POP5: variants seen among roughly 807,000 people sequenced by gnomAD.
The protein encoded by POP5 is POP5 ribonuclease P/MRP subunit.
Under a neutral mutation model 20.7 loss-of-function variants are expected in POP5, and 18 were observed. That is an observed-to-expected ratio of 0.87 (90% CI 0.60 to 1.29). POP5 has a LOEUF of 1.29. Among genes scored for constraint, POP5 ranks in the 50% most tolerant of loss-of-function variants. The probability of loss-of-function intolerance (pLI) is 0.00; values close to 1 mark genes in which losing one functional copy is unlikely to be tolerated. For missense variants in POP5, 200 were observed against 203.2 expected (o/e 0.98, Z 0.10); for synonymous variants, 91 against 78.0 (o/e 1.17, Z -0.88).
At position 120,579,114 on chromosome 12, in the gene POP5, C is replaced by G. The variant is rs551732261; in HGVS notation, c.*204G>C. On this transcript the variant is annotated 3_prime_UTR_variant, in exon 5 of 5. Transcript: ENST00000357500. ...GCAATAAAGATGTCTACAGAGTTCACAACCTGCAACACTTCACCAGGGAAT... is the reference window on the plus strand; with the variant it reads ...GCAATAAAGATGTCTACAGAGTTCAGAACCTGCAACACTTCACCAGGGAAT... 1.8e-5 allele frequency: 11 copies of G among 602,240 alleles called. No homozygotes were observed. The highest frequency in any genetic ancestry group is 1.7e-4 in the East Asian group (6 of 35,876). The allele number at this position is 602,240 out of a possible 1,614,324, so 37.3% of individuals were successfully genotyped here.
Position 120,579,820 on chromosome 12 carries a change from G to A in POP5, c.267C>T (p.Asn89=), listed in dbSNP as rs1877766706. The part of the protein sequence containing the change: ...SALPFITYLE[N]KGHRYPCFFN... The stretch of plus-strand genomic sequence containing the variant: ...AAAAGCATGGGTAACGGTGTCCTTT[G>A]TTCTCCAAGTATGTGATGAAGGGAA... The change falls in exon 3 of 5, where the codon AAC becomes AAT. Residue 89 remains asparagine, a synonymous_variant. Transcript: ENST00000357500. The A allele has an allele frequency of 6.2e-7, 1 of 1,608,380 alleles. No individual in the cohort carries two copies. Among genetic ancestry groups the A allele is most frequent in the African/African-American group, 1.3e-5 (1 of 74,914 alleles).
rs779572976 is a variant in POP5 at position 120,579,776 on chromosome 12, C to T, written c.311G>A (p.Gly104Glu). The change falls in exon 3 of 5, where the codon GGA (glycine) becomes GAA (glutamate). Residue 104 changes from glycine to glutamate, a missense_variant and splice_region_variant. By Grantham distance (98) the Gly-to-Glu change is moderately conservative. Coordinates refer to ENST00000357500, the MANE Select transcript of POP5 (RefSeq NM_015918.4). ...YPCFFNTLHV[G>E]GTIRTCQKFL... ...TAGCCATACCACCTCACTCCTACCT[C>T]CCACATGTAATGTGTTGAAAAAGCA... 2 of 1,605,622 alleles carry T rather than the reference C, an allele frequency of 1.2e-6. No homozygotes were observed. Among genetic ancestry groups the T allele is most frequent in the Admixed American group, 1.7e-5 (1 of 59,982 alleles).
At chr12:120,579,955 A>G in intron 2 of POP5, 32 bp from the exon 3 acceptor site, 1 of 1,603,086 alleles carries the variant, frequency 6.2e-7, no homozygotes, top group Non-Finnish European at 8.5e-7. Flanking sequence ...ATTTTGGAAA[A>G]CTTTTGCTCT....
chr12:120,580,916 C>T lies in POP5; in HGVS notation c.163+199G>A, dbSNP rs368532148. 2.8e-4 allele frequency: 214 copies of T among 752,250 alleles called. No homozygotes were observed. The East Asian group carries it at 4.3e-3, about 15-fold the overall frequency. The allele number at this position is 752,250 out of a possible 1,614,324, so 46.6% of individuals were successfully genotyped here. ...AAAAAGAGGCTTCTAGCTCAAAGCC[C>T]CACTGCCTTCGGGCCCCTCCTTTTA... On this transcript the variant is annotated intron_variant, in intron 2 of 4. Coordinates refer to ENST00000357500, the MANE Select transcript of POP5 (RefSeq NM_015918.4).
Position 120,579,837 on chromosome 12 carries a change from TGAAGG to T in POP5, c.245_249del (p.Pro82HisfsTer48). On this transcript the variant is annotated frameshift_variant, in exon 3 of 5. Transcript: ENST00000357500. LOFTEE classifies it high-confidence loss of function. ...TGTCCTTTGTTCTCCAAGTATGTGA[TGAAGG>T]GAAGAGCTGACCACACAAGCTGATA... is the stretch of plus-strand genomic sequence containing the variant. 7.5e-6 allele frequency: 12 copies of T among 1,606,992 alleles called. No homozygotes were observed. The highest frequency in any genetic ancestry group is 1.0e-5 in the Non-Finnish European group (12 of 1,173,502).
chr12:120,579,461 C>A (rs2301456), intron 4 of POP5, 49 bp from the exon 5 acceptor site: 24 of 1,607,582 alleles, frequency 1.5e-5, no homozygotes, highest in Non-Finnish European at 1.8e-5. Context: ...GGAGTGATTT[C>A]TTCAGCTTAA....
rs189837813 is a variant in POP5, at chr12:120,580,898, G to A, written c.163+217C>T. 1.2e-4 allele frequency: 78 copies of A among 636,316 alleles called. No homozygotes were observed. The Admixed American group carries it at 1.9e-3, about 15-fold the overall frequency. The allele number at this position is 636,316 out of a possible 1,614,324, so 39.4% of individuals were successfully genotyped here. A position where few individuals can be genotyped will look rare whatever the true frequency, so the allele number is the denominator to read the frequency against. ...ATTACCTGTCAAGCAGGTAAAAAGA[G>A]GCTTCTAGCTCAAAGCCCCACTGCC... On this transcript the variant is annotated intron_variant, in intron 2 of 4. Coordinates refer to ENST00000357500, the MANE Select transcript of POP5 (RefSeq NM_015918.4).
intron 2 of POP5, 127 bp downstream of exon 2, chr12:120,580,988 A>G: frequency 4.2e-6 from 6 of 1,419,084 alleles, no homozygotes; most frequent in Non-Finnish European, 5.7e-6. Flanking sequence ...AGGCGCTTAA[A>G]GAGATACCTT....
Position 120,579,774 on chromosome 12 carries a change from C to G in POP5, c.313G>C (p.Gly105Arg). Residue 105 changes from glycine (G) to arginine (R), a missense_variant and splice_region_variant, in exon 3 of 5, where the codon GGT (glycine) becomes CGT (arginine). Physicochemically the swap from Gly to Arg is moderately radical, Grantham distance 125. Coordinates refer to ENST00000357500, the MANE Select transcript of POP5 (RefSeq NM_015918.4). The stretch of plus-strand genomic sequence containing the variant: ...AGTAGCCATACCACCTCACTCCTAC[C>G]TCCCACATGTAATGTGTTGAAAAAG... ...PCFFNTLHVGGTIRTCQKFLI... is the reference protein window; with the variant it reads ...PCFFNTLHVGRTIRTCQKFLI... The G allele has an allele frequency of 6.2e-7, 1 of 1,605,238 alleles. No homozygotes were observed.
intron 2 of POP5, chr12:120,580,887 AG>A: frequency 8.4e-6 from 5 of 594,062 alleles, no homozygotes; most frequent in Non-Finnish European, 1.4e-5. Flanking sequence ...CCTGTCAAGC[AG>A]GTAAAAAGAG....
rs780615279 is a variant in POP5 at position 120,581,133 on chromosome 12, A to T, written c.145T>A (p.Cys49Ser). The change falls in exon 2 of 5, where the codon TGC becomes AGC. Residue 49 changes from cysteine (C) to serine (S), a missense_variant. Physicochemically the swap from Cys to Ser is moderately radical, Grantham distance 112 (BLOSUM62 -1). Coordinates refer to ENST00000357500, the MANE Select transcript of POP5 (RefSeq NM_015918.4). The part of the protein sequence containing the change: ...RVHGTFGAAA[C>S]SIGFAVRYLN... ...CTTGCACCCGCGAAGCCGATGGAGC[A>T]GGCGGCTGCGCCGAAAGTTCCGTGC... The T allele has an allele frequency of 6.2e-7, 1 of 1,612,370 alleles. No homozygotes were observed. The highest frequency in any genetic ancestry group is 8.5e-7 in the Non-Finnish European group (1 of 1,179,986).
chr12:120,580,002 G>A, intron 2 of POP5, 79 bp from the exon 3 acceptor site: 2 of 1,404,238 alleles, frequency 1.4e-6, no homozygotes, highest in East Asian at 4.6e-5. Flanking sequence ...AGCACTTTGG[G>A]AGGCTGAGGC....
At chr12:120,579,980 G>C (rs747583376) in intron 2 of POP5, 57 bp from the exon 3 acceptor site, 348 of 1,526,958 alleles carry the variant, frequency 2.3e-4, no homozygotes, top group Non-Finnish European at 3.0e-4. Context: ...GGTGGCTCAC[G>C]CCTGTAATCC....
chr12:120,581,028 C>T, intron 2 of POP5, 87 bp downstream of exon 2: 1 of 1,552,844 alleles, frequency 6.4e-7, no homozygotes, highest in Non-Finnish European at 8.6e-7. Flanking sequence ...CTTGGCCACT[C>T]GTGCCCCTTC....
chr12:120,581,158 C>T lies in POP5; in HGVS notation c.120G>A (p.Val40=). Residue 40 remains valine, a synonymous_variant, in exon 2 of 5, where the codon GTG becomes GTA. Coordinates refer to ENST00000357500, the MANE Select transcript of POP5 (RefSeq NM_015918.4). ...AGGCGGCTGCGCCGAAAGTTCCGTG[C>T]ACCCTGGCGATCGTGTCCCGTACGA... ...SSLVRDTIAR[V]HGTFGAAACS... is the part of the protein sequence containing the mutation. The T allele has an allele frequency of 1.9e-6, 3 of 1,613,584 alleles. No individual in the cohort carries two copies. The highest frequency in any genetic ancestry group is 2.5e-6 in the Non-Finnish European group (3 of 1,180,048).
chr12:120,581,291 G>A, intron 1 of POP5, 34 bp from the exon 2 acceptor site: 5 of 1,614,218 alleles, frequency 3.1e-6, no homozygotes, highest in Non-Finnish European at 3.4e-6. Context: ...GACACTAGCG[G>A]GGCCGCGAGG....
At position 120,579,367 on chromosome 12, in the gene POP5, A is replaced by G. The variant is rs372790098; in HGVS notation, c.443T>C (p.Leu148Ser). ...IQKSVTRSCL[L>S]EEEEESGEEA... ...CTCACCTGACTCCTCCTCCTCCTCT[A>G]ATAAGCAGCTTCTTGTCACAGACTT... The change falls in exon 5 of 5, where the codon TTA (leucine) becomes TCA (serine). Residue 148 changes from leucine to serine, a missense_variant. Leu to Ser is a moderately radical substitution (Grantham distance 145). Transcript: ENST00000357500. 5 of 1,614,176 alleles carry G rather than the reference A, an allele frequency of 3.1e-6. No homozygotes were observed. Among genetic ancestry groups the G allele is most frequent in the Non-Finnish European group, 4.2e-6 (5 of 1,180,008 alleles).
Position 120,581,100 on chromosome 12 carries a change from C to T in POP5, c.163+15G>A, listed in dbSNP as rs1441248289. On this transcript the variant is annotated intron_variant, in intron 2 of 4. Transcript: ENST00000357500. ...CATCCTCCCGGGTTCCCCTCTTCCC[C>T]CAGCGCCCTTGCACCCGCGAAGCCG... 1.2e-6 allele frequency: 2 copies of T among 1,607,414 alleles called. No individual in the cohort carries two copies. The highest frequency in any genetic ancestry group is 1.7e-6 in the Non-Finnish European group (2 of 1,179,652).
In POP5 at chr12:120,580,184, A is replaced by G. The variant is rs1201957448; in HGVS notation, c.164-261T>C. The G allele has an allele frequency of 5.4e-6, 2 of 371,942 alleles. 1 individual carries two copies. The highest frequency in any genetic ancestry group is 9.9e-6 in the Non-Finnish European group (2 of 201,810). The allele number at this position is 371,942 out of a possible 1,614,324, so 23.0% of individuals were successfully genotyped here. On this transcript the variant is annotated intron_variant, in intron 2 of 4. Transcript: ENST00000357500. ...CTGAACCCAGGAGGCAGAGGCAGCA[A>G]TGACCCCCGATCTCGCTGCTGCACT...
Sources: allele counts gnomAD v4.1 joint callset, GRCh38; gene constraint gnomAD v4.1.1; transcripts MANE v1.5; gene names NCBI Gene and HGNC (gene_info 2026-07-23, HGNC 2026-07-21).